YIPF7: variants seen among roughly 807,000 people sequenced by gnomAD.
The protein encoded by YIPF7 is Yip1 domain family member 7.
In YIPF7, 35 loss-of-function variants were observed where a neutral mutation model predicts 27.2. The observed-to-expected ratio is 1.29, with a 90% confidence interval of 0.98 to 1.70. The LOEUF (loss-of-function observed/expected upper bound fraction) is 1.70. YIPF7 is among the 40% of genes most tolerant of loss of function. The pLI is 0.00. For synonymous variants in YIPF7, 137 were observed against 110.4 expected (o/e 1.24, Z -1.51); for missense variants, 358 against 303.7 (o/e 1.18, Z -1.33).
intron 2 of YIPF7, among the ~76,000 whole-genome samples, chr4:44,640,435 A>T (rs1300595975): frequency 6.6e-6 from 1 of 152,216 alleles, no homozygotes; most frequent in Non-Finnish European, 1.5e-5. Flanking sequence ...ACTCCCAGTC[A>T]CGAGTGCATG....
In YIPF7 at chr4:44,629,436, A is replaced by T; in HGVS notation, c.393T>A (p.Leu131=). The T allele has an allele frequency of 6.3e-7, 1 of 1,599,194 alleles. No individual in the cohort carries two copies. The highest frequency in any genetic ancestry group is 8.5e-7 in the Non-Finnish European group (1 of 1,172,510). Residue 131 remains leucine, a synonymous_variant, in exon 4 of 6, where the codon CTT becomes CTA. Transcript: ENST00000415895. The part of the protein sequence containing the change: ...MNETDLTGPI[L]FCVALGATLL... Reference sequence around the variant, plus strand: ...AGGTGGCTCCCAGGGCTACGCAAAAAAGAATGGGTCCAGTGAGGTCCGTTT... The same window carrying T: ...AGGTGGCTCCCAGGGCTACGCAAAATAGAATGGGTCCAGTGAGGTCCGTTT...
At chr4:44,630,234 C>T (rs1219052472) in intron 3 of YIPF7, among the ~76,000 whole-genome samples, 1 of 152,180 alleles carries the variant, frequency 6.6e-6, no homozygotes, top group African/African-American at 2.4e-5. Flanking sequence ...TCCCAAAGTG[C>T]TGGGATTACA....
chr4:44,652,145 G>C (rs1398226983), upstream of YIPF7, among the ~76,000 whole-genome samples: 1 of 152,086 alleles, frequency 6.6e-6, no homozygotes, highest in Non-Finnish European at 1.5e-5. Context: ...TATGCTAATG[G>C]GATCTAGTGC....
At chr4:44,644,363 T>C (rs1713447408) in intron 2 of YIPF7, among the ~76,000 whole-genome samples, 1 of 152,192 alleles carries the variant, frequency 6.6e-6, no homozygotes, top group Admixed American at 6.5e-5. Context: ...CAAAAGTATC[T>C]CATAATGTTT....
At chr4:44,654,632 T>C (rs1201119019), upstream of YIPF7, among the ~76,000 whole-genome samples, 1 of 152,030 alleles carries the variant, frequency 6.6e-6, no homozygotes, top group Non-Finnish European at 1.5e-5. Flanking sequence ...CATTTCAAAC[T>C]TAACATAATC....
At chr4:44,647,397 A>G (rs1713564692) in intron 2 of YIPF7, among the ~76,000 whole-genome samples, 1 of 152,142 alleles carries the variant, frequency 6.6e-6, no homozygotes, top group African/African-American at 2.4e-5. Context: ...CTACCCAAAT[A>G]CCAATCTTAT....
At chr4:44,654,450 C>G (rs1713830255), upstream of YIPF7, among the ~76,000 whole-genome samples, 3 of 151,798 alleles carry the variant, frequency 2.0e-5, no homozygotes, top group African/African-American at 7.2e-5. Context: ...TTCTCTCCCC[C>G]CTCTCTCCTT....
intron 3 of YIPF7, among the ~76,000 whole-genome samples, chr4:44,635,662 C>T (rs906498969): frequency 2.0e-5 from 3 of 152,080 alleles, no homozygotes; most frequent in African/African-American, 4.8e-5. Context: ...CCAAGGAGTT[C>T]GAATTTAAGA....
intron 2 of YIPF7, among the ~76,000 whole-genome samples, chr4:44,659,339 CATATT>C (rs1713982615): frequency 1.5e-5 from 2 of 131,160 alleles, no homozygotes; most frequent in South Asian, 4.8e-4. Context: ...AGAGCAAAGA[CATATT>C]AGTTTAGGAA....
At chr4:44,626,155 A>T (rs1712626308) in intron 4 of YIPF7, among the ~76,000 whole-genome samples, 1 of 152,210 alleles carries the variant, frequency 6.6e-6, no homozygotes, top group Non-Finnish European at 1.5e-5. Context: ...TTTCATAAAT[A>T]TTCCTGACTT....
intron 4 of YIPF7, among the ~76,000 whole-genome samples, chr4:44,625,304 AT>A (rs979614910): frequency 1.3e-5 from 2 of 152,206 alleles, no homozygotes; most frequent in Non-Finnish European, 2.9e-5. Flanking sequence ...AACTTTACAC[AT>A]GAGGAAACTG....
chr4:44,631,358 T>C (rs1332009415), intron 3 of YIPF7, among the ~76,000 whole-genome samples: 1 of 152,162 alleles, frequency 6.6e-6, no homozygotes, highest in African/African-American at 2.4e-5. Flanking sequence ...CCCTGTTTGG[T>C]CAGATACAGG....
At chr4:44,634,825 T>C (rs991708611) in intron 3 of YIPF7, among the ~76,000 whole-genome samples, 3 of 152,184 alleles carry the variant, frequency 2.0e-5, no homozygotes, top group East Asian at 1.9e-4. Context: ...GGGAGAGATA[T>C]TGGCAAAGTC....
intron 2 of YIPF7, among the ~76,000 whole-genome samples, chr4:44,642,967 T>A (rs1405159239): frequency 6.6e-6 from 1 of 152,148 alleles, no homozygotes; most frequent in East Asian, 1.9e-4. Context: ...AAATTGGTAC[T>A]GAGGAGTGGG....
At chr4:44,644,313 T>A (rs557787712) in intron 2 of YIPF7, among the ~76,000 whole-genome samples, 1 of 152,270 alleles carries the variant, frequency 6.6e-6, no homozygotes, top group Non-Finnish European at 1.5e-5. Flanking sequence ...ACACATAAAA[T>A]ATGCTAACAC....
chr4:44,622,389 C>A lies in YIPF7; in HGVS notation c.*25G>T, dbSNP rs1712471803. ...AAATAATCTGGACAGCAAACAGAGTCTTGAAATGCCATCTCAAACATTCTT... is the reference window on the plus strand; with the variant it reads ...AAATAATCTGGACAGCAAACAGAGTATTGAAATGCCATCTCAAACATTCTT... On this transcript the variant is annotated 3_prime_UTR_variant, in exon 6 of 6. Coordinates refer to ENST00000415895, the MANE Select transcript of YIPF7 (RefSeq NM_182592.3). The A allele has an allele frequency of 1.2e-6, 2 of 1,600,938 alleles. No individual in the cohort carries two copies. Among genetic ancestry groups the A allele is most frequent in the Non-Finnish European group, 8.5e-7 (1 of 1,174,126 alleles).
At chr4:44,625,397 C>T (rs1255299661) in intron 4 of YIPF7, among the ~76,000 whole-genome samples, 1 of 152,146 alleles carries the variant, frequency 6.6e-6, no homozygotes, top group Non-Finnish European at 1.5e-5. Context: ...GGTATTTCAG[C>T]TCTAAAATTT....
intron 1 of YIPF7, among the ~76,000 whole-genome samples, chr4:44,650,661 C>T (rs543669465): frequency 7.9e-5 from 12 of 152,242 alleles, no homozygotes; most frequent in East Asian, 1.9e-4. Context: ...GGAATATTTT[C>T]GTTTTTCTTT....
intron 4 of YIPF7, among the ~76,000 whole-genome samples, chr4:44,628,579 C>A (rs1712755370): frequency 6.6e-6 from 1 of 152,044 alleles, no homozygotes; most frequent in Non-Finnish European, 1.5e-5. Flanking sequence ...ACTGACTTAA[C>A]CATCTTTATC....
Sources: gnomAD v4.1 joint callset for allele counts (sites outside exome capture counted in the v4.1 genomes callset) on GRCh38, gnomAD v4.1.1 for gene constraint, MANE v1.5 for transcripts, NCBI Gene and HGNC (gene_info 2026-07-23, HGNC 2026-07-21) for gene names.